Variants in CDK7 observed in about 807,000 individuals in gnomAD.
CDK7 encodes the protein cyclin-dependent kinase 7.
In CDK7, 25 loss-of-function variants were observed where a neutral mutation model predicts 49.1. The observed-to-expected ratio is 0.51, with a 90% CI of 0.37 to 0.71. CDK7 has a LOEUF of 0.71. CDK7 is among the 30% of genes least tolerant of loss of function. The pLI is 0.00. For synonymous variants in CDK7, 107 were observed against 140.0 expected, an observed-to-expected ratio of 0.76 and a Z score of 1.67; for missense variants, 316 against 411.7, an observed-to-expected ratio of 0.77 and a Z score of 2.01.
At position 69,235,378 on chromosome 5, in the gene CDK7, CTATTTT is replaced by C. The variant is rs780914348; in HGVS notation, c.67-14_67-9del. 1.3e-6 allele frequency: 2 copies of C among 1,555,980 alleles called. No individual in the cohort carries two copies. Among genetic ancestry groups the C allele is most frequent in the South Asian group, 1.1e-5 (1 of 89,484 alleles). ...AAACTCCCATAAACTTATGTTATTT[CTATTTT>C]TCTTTCTAGTTTGCCACCGTTTACA... is the stretch of plus-strand genomic sequence containing the variant. On this transcript the variant is annotated splice_polypyrimidine_tract_variant and intron_variant, in intron 1 of 11. Transcript: ENST00000256443.
chr5:69,266,565 A>G (rs900559386), intron 8 of CDK7, among the ~76,000 whole-genome samples: 1 of 152,172 alleles, frequency 6.6e-6, no homozygotes, highest in African/African-American at 2.4e-5. Context: ...GGAACATAAG[A>G]TTCAACACAG....
chr5:69,250,985 A>C (rs937072573), intron 2 of CDK7, among the ~76,000 whole-genome samples: 16 of 152,128 alleles, frequency 1.1e-4, no homozygotes, highest in Non-Finnish European at 2.2e-4. Flanking sequence ...GCTGGAATGC[A>C]GTGGTGCAAT....
Position 69,259,242 on chromosome 5 carries a change from A to C in CDK7, c.409-576A>C, listed in dbSNP as rs78527553. 3.0e-3 allele frequency among the ~76,000 whole-genome samples: 450 copies of C among 152,316 alleles called. 2 individuals are homozygous for C. Among genetic ancestry groups the C allele is most frequent in the African/African-American group, 0.01 (430 of 41,578 alleles). ...GTAGCTCTAAAATTCAAGGTACAAAATACAGTTTATGAAATAGTGGGAACA... is the reference window on the plus strand; with the variant it reads ...GTAGCTCTAAAATTCAAGGTACAAACTACAGTTTATGAAATAGTGGGAACA... On this transcript the variant is annotated intron_variant, in intron 6 of 11. Transcript: ENST00000256443.
chr5:69,269,149 G>GA, intron 8 of CDK7, 58 bp from the exon 9 acceptor site: 3 of 1,136,912 alleles, frequency 2.6e-6, no homozygotes, highest in Non-Finnish European at 3.8e-6. Context: ...TCTAAAAAAA[G>GA]AAAAAAATTA....
chr5:69,259,680 A>T, intron 6 of CDK7, 138 bp from the exon 7 acceptor site: 1 of 637,832 alleles, frequency 1.6e-6, no homozygotes. Context: ...ATTTTATATC[A>T]GTGGGAAAAA....
chr5:69,241,524 C>T (rs966730621), intron 2 of CDK7, among the ~76,000 whole-genome samples: 11 of 151,892 alleles, frequency 7.2e-5, no homozygotes, highest in African/African-American at 2.7e-4. Context: ...CGTGGTTTCA[C>T]CTTGTTGGCC....
chr5:69,259,779 A>G (rs1298722926), intron 6 of CDK7, 39 bp from the exon 7 acceptor site: 1 of 1,337,288 alleles, frequency 7.5e-7, no homozygotes, highest in Non-Finnish European at 1.1e-6. Flanking sequence ...GTTCTCCCCT[A>G]CCCTGCTTAT....
intron 5 of CDK7, chr5:69,255,743 T>C (rs1750445169): frequency 3.6e-6 from 2 of 554,386 alleles, no homozygotes; most frequent in African/African-American, 1.9e-5. Flanking sequence ...TTGGATTTCA[T>C]TGGCATTTCT....
intron 9 of CDK7, 47 bp downstream of exon 9, chr5:69,269,340 AGTTCTTAAACT>A (rs1751373785): frequency 1.5e-6 from 2 of 1,356,030 alleles, no homozygotes; most frequent in Non-Finnish European, 2.1e-6. Flanking sequence ...GACTCTGTAA[AGTTCTTAAACT>A]GTCATATACT....
At chr5:69,241,562 G>T (rs1749389747) in intron 2 of CDK7, among the ~76,000 whole-genome samples, 1 of 151,924 alleles carries the variant, frequency 6.6e-6, no homozygotes, top group Non-Finnish European at 1.5e-5. Context: ...CTGACCACGT[G>T]ATCCGCCTGC....
intron 2 of CDK7, among the ~76,000 whole-genome samples, chr5:69,240,652 G>C (rs144843112): frequency 3.6e-4 from 55 of 152,076 alleles, no homozygotes; most frequent in African/African-American, 1.3e-3. Context: ...TTTTTGAGAC[G>C]GAGTCTCCCT....
chr5:69,268,628 A>G (rs1481784963), intron 8 of CDK7, among the ~76,000 whole-genome samples: 2 of 151,510 alleles, frequency 1.3e-5, no homozygotes, highest in East Asian at 1.9e-4. Flanking sequence ...CGAGGCGGGC[A>G]AATCACAATG....
At chr5:69,242,771 C>T (rs1454202722) in intron 2 of CDK7, among the ~76,000 whole-genome samples, 4 of 152,108 alleles carry the variant, frequency 2.6e-5, no homozygotes, top group Non-Finnish European at 1.5e-5. Context: ...TAGGGCCAGG[C>T]GCAGTGGCTC....
Position 69,252,327 on chromosome 5 carries a change from CGAAGTATTT to C in CDK7, c.127-81_127-73del, listed in dbSNP as rs1201314154. 6 of 786,866 alleles carry C rather than the reference CGAAGTATTT, an allele frequency of 7.6e-6. No homozygotes were observed. In the African/African-American group the frequency reaches 9.1e-5, roughly 12 times the overall value. 48.7% of individuals were successfully genotyped at this position (786,866 alleles called of 1,614,324 possible). A position where few individuals can be genotyped will look rare whatever the true frequency, so the allele number is the denominator to read the frequency against. ...TTGCTAATTGTTTTTTTTTCTGTGG[CGAAGTATTT>C]GAAGTATTTACACATTATTCATTGA... On this transcript the variant is annotated intron_variant, in intron 2 of 11. Coordinates refer to ENST00000256443, the MANE Select transcript of CDK7 (RefSeq NM_001799.4).
chr5:69,243,286 G>C (rs766039912), intron 2 of CDK7, among the ~76,000 whole-genome samples: 1 of 152,184 alleles, frequency 6.6e-6, no homozygotes, highest in Non-Finnish European at 1.5e-5. Flanking sequence ...AGAGAAGAAA[G>C]ACTAGAAAGA....
intron 7 of CDK7, among the ~76,000 whole-genome samples, chr5:69,261,490 C>CTGTGTGTGTGTGTGTG (rs1168767153): frequency 1.1e-4 from 15 of 139,544 alleles, no homozygotes; most frequent in African/African-American, 3.5e-4. Context: ...AAAAGGTTCT[C>CTGTGTGTGTGTGTGTG]TGTGTGTGTG....
intron 2 of CDK7, among the ~76,000 whole-genome samples, chr5:69,242,660 C>G (rs927583919): frequency 6.6e-6 from 1 of 152,164 alleles, no homozygotes. Flanking sequence ...GACTGTTAAT[C>G]ATCTTTGTTT....
intron 9 of CDK7, among the ~76,000 whole-genome samples, chr5:69,272,457 T>G (rs974519658): frequency 7.9e-5 from 12 of 152,220 alleles, no homozygotes; most frequent in Admixed American, 7.2e-4. Flanking sequence ...TACATTAGAC[T>G]TGCAAATCAA....
chr5:69,243,144 ATTG>A (rs1216110901), intron 2 of CDK7, among the ~76,000 whole-genome samples: 1 of 152,196 alleles, frequency 6.6e-6, no homozygotes, highest in Non-Finnish European at 1.5e-5. Flanking sequence ...TGGCATGTTG[ATTG>A]TTGTGAGCTG....
Sources: gnomAD v4.1 joint callset for allele counts (sites outside exome capture counted in the v4.1 genomes callset) on GRCh38, gnomAD v4.1.1 for gene constraint, MANE v1.5 for transcripts, NCBI Gene and HGNC (gene_info 2026-07-23, HGNC 2026-07-21) for gene names.